Variants in GRIA1 observed in about 807,000 individuals in gnomAD.
GRIA1 encodes the protein glutamate ionotropic receptor AMPA type subunit 1, also known as glutamate receptor 1.
GRIA1 carries 31 observed loss-of-function variants against 99.2 expected under a neutral mutation model. That is an observed-to-expected ratio of 0.31 (90% CI 0.23 to 0.42). The LOEUF (loss-of-function observed/expected upper bound fraction) is 0.42. Among genes scored for constraint, GRIA1 ranks in the 10% least tolerant of loss-of-function variants. The probability of loss-of-function intolerance (pLI) is 1.00; values close to 1 mark genes in which losing one functional copy is unlikely to be tolerated. For missense variants in GRIA1, 782 were observed against 1,157.5 expected, an observed-to-expected ratio of 0.68 and a Z score of 4.71; for synonymous variants, 438 against 432.4, an observed-to-expected ratio of 1.01 and a Z score of -0.16.
chr5:153,731,382 T>C (rs1761011687), intron 11 of GRIA1, among the ~76,000 whole-genome samples: 1 of 152,014 alleles, frequency 6.6e-6, no homozygotes, highest in Non-Finnish European at 1.5e-5. Flanking sequence ...ATATACTCCT[T>C]CTTCACAATT....
At chr5:153,793,377 A>T (rs1396517987) in intron 13 of GRIA1, among the ~76,000 whole-genome samples, 2 of 152,162 alleles carry the variant, frequency 1.3e-5, no homozygotes, top group Non-Finnish European at 2.9e-5. Flanking sequence ...TTACTGCCTC[A>T]TGATGGTCTG....
intron 2 of GRIA1, among the ~76,000 whole-genome samples, chr5:153,599,048 GT>G (rs1480229222): frequency 6.6e-6 from 1 of 151,868 alleles, no homozygotes; most frequent in African/African-American, 2.4e-5. Flanking sequence ...CGCCTGGCTA[GT>G]TTTTTTGTAT....
chr5:153,492,689 T>G (rs1468426541), intron 1 of GRIA1, among the ~76,000 whole-genome samples: 1 of 152,218 alleles, frequency 6.6e-6, no homozygotes, highest in East Asian at 1.9e-4. Context: ...GGATGTTTCA[T>G]GTATGTGCTA....
intron 2 of GRIA1, among the ~76,000 whole-genome samples, chr5:153,636,294 T>G (rs1254367212): frequency 6.6e-6 from 1 of 152,198 alleles, no homozygotes; most frequent in African/African-American, 2.4e-5. Flanking sequence ...AATTGTATAA[T>G]GCACTCTAAG....
Position 153,802,441 on chromosome 5 carries a change from C to T in GRIA1, c.2471C>T (p.Ala824Val). Residue 824 changes from alanine (A) to valine (V), a missense_variant, in exon 15 of 16, where the codon GCC becomes GTC. Physicochemically the swap from Ala to Val is moderately conservative, Grantham distance 64. Around this residue, in one of 5 missense-constraint regions of GRIA1, gnomAD observed 119 missense variants for 326.6 expected, o/e 0.36. Coordinates refer to ENST00000285900, the MANE Select transcript of GRIA1 (RefSeq NM_000827.4). ...IGGLGLAMLV[A>V]LIEFCYKSRS... ...GGACTTGGACTAGCCATGCTGGTTG[C>T]CTTAATCGAGTTCTGCTACAAATCC... The T allele has an allele frequency of 6.2e-7, 1 of 1,613,936 alleles. No individual in the cohort carries two copies. Among genetic ancestry groups the T allele is most frequent in the Non-Finnish European group, 8.5e-7 (1 of 1,179,936 alleles).
At chr5:153,666,901 A>G (rs1161070513) in intron 5 of GRIA1, among the ~76,000 whole-genome samples, 1 of 152,106 alleles carries the variant, frequency 6.6e-6, no homozygotes, top group East Asian at 1.9e-4. Context: ...CAAATCATCC[A>G]TCTCTTCCCC....
intron 2 of GRIA1, among the ~76,000 whole-genome samples, chr5:153,619,123 T>G (rs936035822): frequency 2.6e-5 from 4 of 152,188 alleles, no homozygotes; most frequent in Admixed American, 2.6e-4. Context: ...TGGTCAGAAA[T>G]GCAGTTTGGT....
chr5:153,697,900 T>G (rs1758229767), intron 8 of GRIA1, 144 bp from the exon 9 acceptor site: 1 of 503,490 alleles, frequency 2.0e-6, no homozygotes, highest in East Asian at 3.0e-5. Context: ...ATTATTTCTG[T>G]TTACCAATAT....
chr5:153,665,028 T>C (rs546567674), intron 5 of GRIA1, among the ~76,000 whole-genome samples: 1 of 152,356 alleles, frequency 6.6e-6, no homozygotes, highest in South Asian at 2.1e-4. Context: ...CCAGGAAATT[T>C]GCTCTTGCTC....
chr5:153,615,977 C>T (rs1766460277), intron 2 of GRIA1, among the ~76,000 whole-genome samples: 2 of 152,252 alleles, frequency 1.3e-5, no homozygotes, highest in Admixed American at 6.5e-5. Flanking sequence ...ACTAGAACTA[C>T]AAGACTTTGC....
intron 2 of GRIA1, among the ~76,000 whole-genome samples, chr5:153,609,225 C>A (rs999791721): frequency 6.6e-6 from 1 of 152,160 alleles, no homozygotes; most frequent in South Asian, 2.1e-4. Context: ...GGTTACCTCC[C>A]GGGCTTCCTC....
At chr5:153,646,853 T>A (rs572883780) in intron 2 of GRIA1, 75 bp from the exon 3 acceptor site, 2 of 1,507,894 alleles carry the variant, frequency 1.3e-6, no homozygotes, top group African/African-American at 2.8e-5. Flanking sequence ...GATGAACTAG[T>A]GGATGGATTC....
intron 13 of GRIA1, among the ~76,000 whole-genome samples, chr5:153,778,026 G>A (rs976404870): frequency 6.6e-6 from 1 of 152,088 alleles, no homozygotes; most frequent in Non-Finnish European, 1.5e-5. Flanking sequence ...TGGAGAGGCT[G>A]GATTTATTTG....
chr5:153,651,516 C>T (rs528034383), intron 4 of GRIA1, among the ~76,000 whole-genome samples: 17 of 152,136 alleles, frequency 1.1e-4, no homozygotes, highest in Admixed American at 5.2e-4. Flanking sequence ...AGGTAGCAGA[C>T]GTTGCAATAA....
chr5:153,718,023 C>A (rs1240923651), intron 11 of GRIA1, among the ~76,000 whole-genome samples: 1 of 152,118 alleles, frequency 6.6e-6, no homozygotes, highest in South Asian at 2.1e-4. Flanking sequence ...CTGGCTATTG[C>A]AGACATGTAT....
Position 153,705,726 on chromosome 5 carries a change from T to C in GRIA1, c.1482T>C (p.Thr494=), listed in dbSNP as rs766648741. The C allele has an allele frequency of 1.0e-5, 7 of 672,782 alleles. No individual in the cohort carries two copies. The highest frequency in any genetic ancestry group is 1.8e-5 in the Non-Finnish European group (7 of 399,258). 41.7% of individuals were successfully genotyped at this position (672,782 alleles called of 1,614,324 possible). Residue 494 remains threonine (T), a synonymous_variant, in exon 11 of 16, where the codon ACT becomes ACC. Transcript: ENST00000285900. ...GRADVAVAPL[T]ITLVREEVID... is the part of the protein sequence containing the mutation. ...CAGATGTGGCTGTGGCTCCCTTAAC[T>C]ATCACTTTGGTCCGGGAAGAAGTTA...
chr5:153,614,466 G>T (rs138674391), intron 2 of GRIA1, among the ~76,000 whole-genome samples: 1 of 152,118 alleles, frequency 6.6e-6, no homozygotes, highest in Non-Finnish European at 1.5e-5. Context: ...CAATTATCCC[G>T]TAAAGTAGGT....
At chr5:153,545,134 C>G (rs568611246) in intron 2 of GRIA1, among the ~76,000 whole-genome samples, 7 of 152,124 alleles carry the variant, frequency 4.6e-5, no homozygotes, top group Admixed American at 2.0e-4. Flanking sequence ...TTAATAGAAA[C>G]ATTGAAAGAT....
intron 5 of GRIA1, among the ~76,000 whole-genome samples, chr5:153,668,856 A>C (rs17114995): frequency 0.062 from 9,513 of 152,292 alleles, 312 homozygotes; most frequent in Middle Eastern, 0.13. Flanking sequence ...TCTGGCTATT[A>C]ACTGTGCCAG....
Sources: allele counts gnomAD v4.1 joint callset (sites outside exome capture counted in the v4.1 genomes callset), GRCh38; gene constraint gnomAD v4.1.1; regional missense constraint gnomAD v4.1.1; transcripts MANE v1.5; gene names NCBI Gene and HGNC (gene_info 2026-07-23, HGNC 2026-07-21).